Variants in PLAGL1 observed in about 807,000 individuals in gnomAD.
PLAGL1 encodes the protein zinc finger protein PLAGL1.
A neutral mutation model predicts 4.6 loss-of-function variants in PLAGL1; 1 was observed. The ratio of observed to expected loss-of-function variants is 0.22; its 90% confidence interval spans 0.08 to 1.03. The LOEUF (loss-of-function observed/expected upper bound fraction) is 1.03, where lower values mean the gene tolerates loss of function less well. Among genes scored for constraint, PLAGL1 ranks in the 50% least tolerant of loss-of-function variants. The pLI, the probability that PLAGL1 is intolerant of heterozygous loss-of-function variation, is 0.58. For synonymous variants in PLAGL1, 240 were observed against 237.8 expected, an observed-to-expected ratio of 1.01 and a Z score of -0.08; for missense variants, 464 against 570.4, an observed-to-expected ratio of 0.81 and a Z score of 1.90.
rs955648637 is a variant in PLAGL1 at position 143,962,722 on chromosome 6, T to G, written c.-399+2065A>C. Among the ~76,000 whole-genome samples the G allele has an allele frequency of 2.0e-5, 3 of 152,216 alleles. No homozygotes were observed. The highest frequency in any genetic ancestry group is 7.2e-5 in the African/African-American group (3 of 41,462). On this transcript the variant is annotated intron_variant, in intron 5 of 7. Coordinates refer to ENST00000674357, the MANE Select transcript of PLAGL1 (RefSeq NM_001317162.2). The surrounding 1 kb of genome is among the most constrained non-coding windows in gnomAD (Gnocchi z 5.3). Reference sequence around the variant, plus strand: ...ACCCACATTGAACAAAGGGATTTCCTTCCAGTTTCAGCTCATTCACTTCTA... The same window carrying G: ...ACCCACATTGAACAAAGGGATTTCCGTCCAGTTTCAGCTCATTCACTTCTA...
At chr6:144,040,997 G>C (rs1369922213) in intron 1 of PLAGL1, among the ~76,000 whole-genome samples, 1 of 152,200 alleles carries the variant, frequency 6.6e-6, no homozygotes, top group East Asian at 1.9e-4. Context: ...ATAGTAGTTA[G>C]AAAGGGATCT....
Position 143,997,106 on chromosome 6 carries a change from A to G in PLAGL1, c.-584+10984T>C, listed in dbSNP as rs184380985. Among the ~76,000 whole-genome samples the G allele has an allele frequency of 6.6e-6, 1 of 152,368 alleles. No homozygotes were observed. The highest frequency in any genetic ancestry group is 2.4e-5 in the African/African-American group (1 of 41,592). ...GCACATGAAAACCATGAGACCATGA[A>G]GCCATGAGATATCACCTCAAACCCA... On this transcript the variant is annotated intron_variant, in intron 1 of 7. Coordinates refer to ENST00000674357, the MANE Select transcript of PLAGL1 (RefSeq NM_001317162.2). This position sits in a 1 kb window ranked among gnomAD's most constrained non-coding sequence, Gnocchi z 4.6.
intron 2 of PLAGL1, among the ~76,000 whole-genome samples, chr6:143,969,606 A>G (rs569595583): frequency 1.3e-5 from 2 of 151,866 alleles, no homozygotes; most frequent in East Asian, 3.9e-4. Context: ...GCAACATAGC[A>G]GGACTCAATC....
chr6:144,042,673 A>G (rs1043247726), intron 1 of PLAGL1, among the ~76,000 whole-genome samples: 1 of 152,142 alleles, frequency 6.6e-6, no homozygotes, highest in African/African-American at 2.4e-5. Flanking sequence ...TTTTGGTTCC[A>G]TATGAACTTT....
upstream of PLAGL1, among the ~76,000 whole-genome samples, chr6:144,012,557 A>AT (rs941329066): frequency 2.0e-5 from 3 of 152,002 alleles, no homozygotes; most frequent in African/African-American, 2.4e-5. The surrounding 1 kb of genome is among the most constrained non-coding windows in gnomAD (Gnocchi z 4.8). Context: ...TTTAATTTTG[A>AT]TTTTTTTAGT....
chr6:144,002,481 C>G (rs2328538), intron 1 of PLAGL1, among the ~76,000 whole-genome samples: 3 of 151,914 alleles, frequency 2.0e-5, no homozygotes, highest in South Asian at 2.1e-4. Flanking sequence ...CATATTTAAA[C>G]CATTTTTTTT....
chr6:144,058,372 A>G (rs527647345), intron 1 of PLAGL1, among the ~76,000 whole-genome samples: 1 of 152,318 alleles, frequency 6.6e-6, no homozygotes, highest in East Asian at 1.9e-4. Context: ...ACCAGGCCCC[A>G]CATCCAACAC....
rs1320279519 is a variant in PLAGL1 at position 144,063,370 on chromosome 6, C to A, written c.-151+1098G>T. ...CTTCCTGATGCCTAACTAGGCGTCC[C>A]CAGCCATATCCCCGGGGCAGCTTTT... On this transcript the variant is annotated intron_variant, in intron 1 of 3. Coordinates refer to the PLAGL1 transcript ENST00000437412. The surrounding 1 kb of genome is among the most constrained non-coding windows in gnomAD (Gnocchi z 5.7). Among the ~76,000 whole-genome samples the A allele has an allele frequency of 6.6e-6, 1 of 152,150 alleles. No homozygotes were observed. Among genetic ancestry groups the A allele is most frequent in the Non-Finnish European group, 1.5e-5 (1 of 68,034 alleles).
intron 1 of PLAGL1, among the ~76,000 whole-genome samples, chr6:144,030,592 C>T (rs1334054103): frequency 6.6e-6 from 1 of 152,164 alleles, no homozygotes; most frequent in African/African-American, 2.4e-5. Flanking sequence ...TGAGAACATA[C>T]GATGTTTGGT....
At position 143,945,499 on chromosome 6, in the gene PLAGL1, T is replaced by G. The variant is rs1280078064; in HGVS notation, c.152+2486A>C. ...TTGCCTCATCATCCTTTTTTTGAGA[T>G]GCAGTCCCACCCTGTCACCAGGCTG... On this transcript the variant is annotated intron_variant, in intron 7 of 7. Coordinates refer to ENST00000674357, the MANE Select transcript of PLAGL1 (RefSeq NM_001317162.2). This position sits in a 1 kb window ranked among gnomAD's most constrained non-coding sequence, Gnocchi z 4.2. Among the ~76,000 whole-genome samples the G allele has an allele frequency of 6.6e-6, 1 of 152,208 alleles. No homozygotes were observed. Among genetic ancestry groups the G allele is most frequent in the Non-Finnish European group, 1.5e-5 (1 of 68,034 alleles).
At chr6:144,033,165 C>T (rs1030361820) in intron 1 of PLAGL1, among the ~76,000 whole-genome samples, 14 of 152,116 alleles carry the variant, frequency 9.2e-5, no homozygotes, top group African/African-American at 2.7e-4. Flanking sequence ...ACAAGAAGTG[C>T]GCAGATATGT....
At chr6:144,032,720 C>T (rs1467486824) in intron 1 of PLAGL1, among the ~76,000 whole-genome samples, 1 of 152,072 alleles carries the variant, frequency 6.6e-6, no homozygotes, top group Admixed American at 6.5e-5. Flanking sequence ...TGCCAACACG[C>T]CTGGCTAATT....
intron 2 of PLAGL1, among the ~76,000 whole-genome samples, chr6:143,974,549 T>A (rs1786085849): frequency 6.6e-6 from 1 of 152,174 alleles, no homozygotes; most frequent in South Asian, 2.1e-4. Context: ...GGACTTTGCA[T>A]ATACAGAACT....
At chr6:144,029,987 C>T (rs1049130263) in intron 1 of PLAGL1, among the ~76,000 whole-genome samples, 5 of 152,150 alleles carry the variant, frequency 3.3e-5, no homozygotes, top group African/African-American at 1.2e-4. Flanking sequence ...GGCGCGGTGG[C>T]TCACGCCTGT....
At chr6:143,976,420 A>G (rs1786568340) in intron 2 of PLAGL1, among the ~76,000 whole-genome samples, 1 of 150,726 alleles carries the variant, frequency 6.6e-6, no homozygotes, top group African/African-American at 2.4e-5. Context: ...AGGCCTTGAT[A>G]TTAAAGAGGC....
chr6:144,006,135 G>A lies in PLAGL1; in HGVS notation c.-584+1955C>T, dbSNP rs915970647. 6.2e-4 allele frequency: 95 copies of A among 152,094 alleles called. No homozygotes were observed. Among genetic ancestry groups the A allele is most frequent in the African/African-American group, 2.2e-3 (92 of 41,514 alleles). 9.4% of individuals were successfully genotyped at this position (152,094 alleles called of 1,614,324 possible). ...ATAAAGAATAATTTAATGAATACTG[G>A]TATGTCCACCATGGAATTTATGAAA... On this transcript the variant is annotated intron_variant, in intron 1 of 7. Coordinates refer to ENST00000674357, the MANE Select transcript of PLAGL1 (RefSeq NM_001317162.2). This position sits in a 1 kb window ranked among gnomAD's most constrained non-coding sequence, Gnocchi z 4.3.
At chr6:144,047,078 C>T (rs954706326) in intron 1 of PLAGL1, among the ~76,000 whole-genome samples, 3 of 152,204 alleles carry the variant, frequency 2.0e-5, no homozygotes, top group Non-Finnish European at 2.9e-5. Context: ...GTGGCAATGT[C>T]CCGATTTTCC....
Position 143,949,022 on chromosome 6 carries a change from G to C in PLAGL1, c.-324-562C>G, listed in dbSNP as rs963516968. 2.0e-5 allele frequency among the ~76,000 whole-genome samples: 3 copies of C among 152,246 alleles called. No individual in the cohort carries two copies. Among genetic ancestry groups the C allele is most frequent in the African/African-American group, 7.2e-5 (3 of 41,474 alleles). The stretch of plus-strand genomic sequence containing the variant: ...AGAAGGGCTGATATAAACAGAATGT[G>C]CATGAAGCTAGTCTAGTCTAGTTGC... On this transcript the variant is annotated intron_variant, in intron 6 of 7. Transcript: ENST00000674357. This position sits in a 1 kb window ranked among gnomAD's most constrained non-coding sequence, Gnocchi z 5.3.
chr6:143,944,745 T>C (rs1307573099), intron 7 of PLAGL1, among the ~76,000 whole-genome samples: 3 of 151,622 alleles, frequency 2.0e-5, no homozygotes, highest in Non-Finnish European at 1.5e-5. Context: ...GGAATACATA[T>C]GAAGGGGGGA....
Sources: gnomAD v4.1 joint callset for allele counts (sites outside exome capture counted in the v4.1 genomes callset) on GRCh38, gnomAD v4.1.1 for gene constraint, Gnocchi (gnomAD v3.1) non-coding constraint, MANE v1.5 for transcripts, NCBI Gene and HGNC (gene_info 2026-07-23, HGNC 2026-07-21) for gene names.